Variants in COL11A1 observed in about 807,000 individuals in gnomAD.
COL11A1 encodes collagen alpha-1(XI) chain.
A neutral mutation model predicts 265.2 loss-of-function variants in COL11A1; 74 were observed. That is an observed-to-expected ratio of 0.28 (90% confidence interval 0.23 to 0.34). The LOEUF is 0.34. COL11A1 is among the 10% of genes least tolerant of loss of function. The pLI is 1.00. For synonymous variants in COL11A1, 816 were observed against 727.6 expected (o/e 1.12, Z -1.96); for missense variants, 2,165 against 2,263.6 (o/e 0.96, Z 0.88).
At chr1:103,057,676 A>T (rs1670349091) in intron 4 of COL11A1, among the ~76,000 whole-genome samples, 1 of 152,188 alleles carries the variant, frequency 6.6e-6, no homozygotes, top group African/African-American at 2.4e-5. Flanking sequence ...CTCCTTACAC[A>T]TCTACATCAG....
chr1:102,976,196 T>C lies in COL11A1; in HGVS notation c.2755-1313A>G, dbSNP rs551416854. ...CTGCCTTTCAAATGCAATTTGAATT[T>C]AAAATCTTTTAAGAAAGAAACATTC... On this transcript the variant is annotated intron_variant, in intron 35 of 66. Transcript: ENST00000370096. Among the ~76,000 whole-genome samples, 592 of 151,794 alleles carry C rather than the reference T, an allele frequency of 3.9e-3. 9 individuals carry two copies. Among genetic ancestry groups the C allele is most frequent in the African/African-American group, 0.014 (571 of 41,498 alleles).
In COL11A1 at chr1:102,878,011, T is replaced by C. The variant is rs781428108; in HGVS notation, c.*8A>G. The C allele has an allele frequency of 6.2e-7, 1 of 1,613,202 alleles. No homozygotes were observed. ...TTCTGTTGATTTGATATGTTCTTTG[T>C]CTTAATCTTAGCCAAGAAAACAAAC... On this transcript the variant is annotated 3_prime_UTR_variant, in exon 67 of 67. Coordinates refer to ENST00000370096, the MANE Select transcript of COL11A1 (RefSeq NM_001854.4).
chr1:102,995,604 T>G (rs1570976447), intron 28 of COL11A1, among the ~76,000 whole-genome samples: 2 of 146,194 alleles, frequency 1.4e-5, no homozygotes, highest in East Asian at 3.9e-4. Flanking sequence ...CTTAAGCACA[T>G]GTAAAAAAAA....
At chr1:103,052,262 TA>T (rs555372395) in intron 4 of COL11A1, among the ~76,000 whole-genome samples, 1 of 152,014 alleles carries the variant, frequency 6.6e-6, no homozygotes, top group East Asian at 1.9e-4. Context: ...AAAAGAATTC[TA>T]AAAAAAACCT....
At chr1:103,030,748 G>C (rs184890746) in intron 5 of COL11A1, among the ~76,000 whole-genome samples, 1 of 152,182 alleles carries the variant, frequency 6.6e-6, no homozygotes, top group East Asian at 1.9e-4. Context: ...GGCCTAGGGA[G>C]ATGGCATGTA....
chr1:102,889,619 TTA>T, intron 58 of COL11A1, 57 bp from the exon 59 acceptor site: 1 of 1,269,832 alleles, frequency 7.9e-7, no homozygotes, highest in Admixed American at 1.8e-5. Flanking sequence ...TCATAAAATT[TTA>T]GTTATAAAAT....
At chr1:102,996,989 A>G in intron 26 of COL11A1, 91 bp downstream of exon 26, 1 of 1,033,982 alleles carries the variant, frequency 9.7e-7, no homozygotes, top group Non-Finnish European at 1.5e-6. Flanking sequence ...AACTATATGA[A>G]CGTGATTTAT....
intron 54 of COL11A1, among the ~76,000 whole-genome samples, chr1:102,908,871 ATGT>A (rs938835210): frequency 3.3e-5 from 5 of 152,252 alleles, no homozygotes; most frequent in African/African-American, 1.2e-4. Context: ...GGAGTTAACA[ATGT>A]TGTCTAGTTA....
Position 103,025,507 on chromosome 1 carries a change from T to C in COL11A1, c.990+14A>G, listed in dbSNP as rs539558328. 1 of 1,546,290 alleles carries C rather than the reference T, an allele frequency of 6.5e-7. No individual in the cohort carries two copies. Among genetic ancestry groups the C allele is most frequent in the African/African-American group, 1.4e-5 (1 of 73,514 alleles). On this transcript the variant is annotated intron_variant, in intron 7 of 66. Coordinates refer to ENST00000370096, the MANE Select transcript of COL11A1 (RefSeq NM_001854.4). Reference sequence around the variant, plus strand: ...AAAGTGGGACTGTGATTTAATACTGTCTATACGTATTACCTCATTTGTCCC... The same window carrying C: ...AAAGTGGGACTGTGATTTAATACTGCCTATACGTATTACCTCATTTGTCCC...
chr1:102,929,015 T>G (rs1192844356), intron 46 of COL11A1, among the ~76,000 whole-genome samples: 1 of 135,978 alleles, frequency 7.4e-6, no homozygotes, highest in East Asian at 2.2e-4. Context: ...GAGTAGGTTG[T>G]GAAAATTTTC....
chr1:103,040,118 A>G (rs1668687338), intron 4 of COL11A1, among the ~76,000 whole-genome samples: 1 of 152,060 alleles, frequency 6.6e-6, no homozygotes, highest in Non-Finnish European at 1.5e-5. Context: ...TTATTGTGCT[A>G]GTAAAAGATT....
At chr1:102,984,399 G>T (rs934138810) in intron 30 of COL11A1, among the ~76,000 whole-genome samples, 2 of 151,864 alleles carry the variant, frequency 1.3e-5, no homozygotes, top group Admixed American at 6.6e-5. Flanking sequence ...TTATAATGTT[G>T]CCTAACTTAA....
chr1:103,048,472 C>T (rs538079839), intron 4 of COL11A1, among the ~76,000 whole-genome samples: 16 of 149,754 alleles, frequency 1.1e-4, no homozygotes, highest in East Asian at 9.8e-4. Context: ...TTTTTTATTG[C>T]GTCTATTCTT....
intron 54 of COL11A1, among the ~76,000 whole-genome samples, chr1:102,900,898 G>A (rs2100938653): frequency 6.6e-6 from 1 of 151,864 alleles, no homozygotes; most frequent in Admixed American, 6.6e-5. Context: ...TTTTCCAGAT[G>A]ACAAAAAAAT....
chr1:102,906,576 T>A (rs1434717047), intron 54 of COL11A1, among the ~76,000 whole-genome samples: 5 of 151,996 alleles, frequency 3.3e-5, no homozygotes, highest in African/African-American at 9.7e-5. Flanking sequence ...CCTGGGTAAT[T>A]TTTAAAAGTT....
chr1:102,972,298 C>G lies in COL11A1; in HGVS notation c.2809-2026G>C, dbSNP rs1361783372. On this transcript the variant is annotated intron_variant, in intron 36 of 66. Transcript: ENST00000370096. ...CAAGACTTACTTTTTTTTAACAAAG[C>G]TGTAAATATAAGATTAAATATCTCA... is the stretch of plus-strand genomic sequence containing the variant. Among the ~76,000 whole-genome samples, 3 of 152,136 alleles carry G rather than the reference C, an allele frequency of 2.0e-5. No homozygotes were observed. In the East Asian group the frequency reaches 5.8e-4, roughly 29 times the overall value.
At chr1:102,960,856 A>G (rs1052605590) in intron 41 of COL11A1, among the ~76,000 whole-genome samples, 2 of 152,106 alleles carry the variant, frequency 1.3e-5, no homozygotes, top group African/African-American at 2.4e-5. Flanking sequence ...GGTATGATAG[A>G]GGAATGCCAT....
At chr1:102,878,558 C>T (rs778142585) in intron 66 of COL11A1, among the ~76,000 whole-genome samples, 8 of 132,944 alleles carry the variant, frequency 6.0e-5, no homozygotes, top group Non-Finnish European at 1.1e-4. Flanking sequence ...CTCTGTTGCT[C>T]AGGCTGGAGA....
intron 42 of COL11A1, among the ~76,000 whole-genome samples, chr1:102,945,288 A>G (rs528671581): frequency 1.5e-5 from 1 of 65,956 alleles, no homozygotes; most frequent in South Asian, 5.7e-4. Context: ...CTCTCTCTCT[A>G]GCCCTGTCTT....
Sources: allele counts gnomAD v4.1 joint callset (sites outside exome capture counted in the v4.1 genomes callset), GRCh38; gene constraint gnomAD v4.1.1; transcripts MANE v1.5; gene names NCBI Gene and HGNC (gene_info 2026-07-23, HGNC 2026-07-21).